Variants in SH3BP1 observed in about 807,000 individuals in gnomAD.
SH3BP1 encodes the protein SH3 domain binding protein 1.
SH3BP1 carries 46 observed loss-of-function variants against 69.8 expected under a neutral mutation model. The observed-to-expected ratio is 0.66, with a 90% CI of 0.52 to 0.84. SH3BP1 has a LOEUF of 0.84. Ranked by LOEUF, SH3BP1 falls within the 40% of genes least tolerant of loss-of-function variation. SH3BP1 has a pLI of 0.00. For missense variants in SH3BP1, 868 were observed against 930.9 expected (o/e 0.93, Z 0.88); for synonymous variants, 403 against 378.0 (o/e 1.07, Z -0.77).
In SH3BP1 at chr22:37,639,725, A is replaced by G; in HGVS notation, c.-63A>G. Reference sequence around the variant, plus strand: ...CCGCGCCGCAGGAGAGGCAGGCTGGACCGGGGGCTCCCCGGGCCCGCGACC... The same window carrying G: ...CCGCGCCGCAGGAGAGGCAGGCTGGGCCGGGGGCTCCCCGGGCCCGCGACC... On this transcript the variant is annotated 5_prime_UTR_variant, in exon 1 of 18. Coordinates refer to ENST00000649765, the MANE Select transcript of SH3BP1 (RefSeq NM_018957.6). 1.8e-6 allele frequency: 2 copies of G among 1,088,454 alleles called. No individual in the cohort carries two copies. Among genetic ancestry groups the G allele is most frequent in the Non-Finnish European group, 2.6e-6 (2 of 779,248 alleles). The allele number at this position is 1,088,454 out of a possible 1,614,324, so 67.4% of individuals were successfully genotyped here. A position where few individuals can be genotyped will look rare whatever the true frequency, so the allele number is the denominator to read the frequency against.
intron 13 of SH3BP1, 146 bp downstream of exon 13, chr22:37,647,667 T>C: frequency 2.2e-6 from 1 of 456,514 alleles, no homozygotes; most frequent in Non-Finnish European, 3.6e-6. Flanking sequence ...ATTAGTCATT[T>C]ATATATATAA....
intron 15 of SH3BP1, 115 bp downstream of exon 15, chr22:37,650,364 C>T (rs1932855010): frequency 1.3e-6 from 2 of 1,495,272 alleles, no homozygotes; most frequent in African/African-American, 1.4e-5. Flanking sequence ...GCCTCAGTTT[C>T]TCATTTTTAC....
intron 6 of SH3BP1, 131 bp from the exon 7 acceptor site, chr22:37,643,513 C>A: frequency 1.5e-6 from 2 of 1,333,152 alleles, no homozygotes; most frequent in Non-Finnish European, 1.0e-6. Context: ...GGGCAGAGGC[C>A]CCGGCCAGTG....
Position 37,655,290 on chromosome 22 carries a change from C to G in SH3BP1, c.1712C>G (p.Ala571Gly). The G allele has an allele frequency of 6.3e-7, 1 of 1,577,110 alleles. No homozygotes were observed. The highest frequency in any genetic ancestry group is 8.6e-7 in the Non-Finnish European group (1 of 1,164,054). ...MARRTKRPAPARPTMPPPQVS... is the reference protein window; with the variant it reads ...MARRTKRPAPGRPTMPPPQVS... ...TCAACAGCCAAGCGCCCGGCGCCAG[C>G]CCGGCCCACCATGCCGCCCCCCCAG... The change falls in exon 18 of 18, where the codon GCC becomes GGC. Residue 571 changes from alanine to glycine, a missense_variant. Transcript: ENST00000649765.
chr22:37,655,484 C>T lies in SH3BP1; in HGVS notation c.1906C>T (p.Arg636Trp), dbSNP rs760915773. The change falls in exon 18 of 18, where the codon CGG (arginine) becomes TGG (tryptophan). Residue 636 changes from arginine (R) to tryptophan (W), a missense_variant. By Grantham distance (101) the Arg-to-Trp change is moderately radical. Around this residue, in one of 3 missense-constraint regions of SH3BP1, gnomAD observed 474 missense variants for 462.3 expected, o/e 1.03. Coordinates refer to ENST00000649765, the MANE Select transcript of SH3BP1 (RefSeq NM_018957.6). Reference protein sequence around the residue: ...TPPQPARRQSRRSPASPSPAS... With the variant: ...TPPQPARRQSWRSPASPSPAS... ...CCCTCAGCCTGCCCGGCGCCAAAGC[C>T]GGCGTTCACCAGCCTCCCCCAGCCC... 10 of 1,520,230 alleles carry T rather than the reference C, an allele frequency of 6.6e-6. No homozygotes were observed. The highest frequency in any genetic ancestry group is 6.2e-5 in the South Asian group (5 of 80,392). The allele number at this position is 1,520,230 out of a possible 1,614,324, so 94.2% of individuals were successfully genotyped here. A position where few individuals can be genotyped will look rare whatever the true frequency, so the allele number is the denominator to read the frequency against.
At position 37,647,478 on chromosome 22, in the gene SH3BP1, G is replaced by A; in HGVS notation, c.1156G>A (p.Glu386Lys). Residue 386 changes from glutamate to lysine, a missense_variant, in exon 13 of 18, where the codon GAG becomes AAG. Physicochemically the swap from Glu to Lys is moderately conservative, Grantham distance 56. Around this residue, in one of 3 missense-constraint regions of SH3BP1, gnomAD observed 474 missense variants for 462.3 expected, o/e 1.03. Transcript: ENST00000649765. ...EPGARLQALQ[E>K]VCSRLPPENL... Reference sequence around the variant, plus strand: ...AGGGGCCCGGCTGCAGGCCCTCCAAGAGGTGTGCAGCCGCCTACCCCCCGA... The same window carrying A: ...AGGGGCCCGGCTGCAGGCCCTCCAAAAGGTGTGCAGCCGCCTACCCCCCGA... 1 of 1,609,328 alleles carries A rather than the reference G, an allele frequency of 6.2e-7. No individual in the cohort carries two copies. The highest frequency in any genetic ancestry group is 8.5e-7 in the Non-Finnish European group (1 of 1,179,682).
At chr22:37,652,500 T>TC (rs1932900460) in intron 16 of SH3BP1, among the ~76,000 whole-genome samples, 1 of 151,710 alleles carries the variant, frequency 6.6e-6, no homozygotes, top group South Asian at 2.1e-4. Context: ...GCCATTGCAC[T>TC]CAGCCTGGGC....
intron 11 of SH3BP1, 55 bp downstream of exon 11, chr22:37,646,984 C>A: frequency 8.5e-7 from 1 of 1,180,750 alleles, no homozygotes; most frequent in Non-Finnish European, 1.2e-6. Context: ...GGTGCAGTGG[C>A]TTGAAACGAT....
intron 2 of SH3BP1, 44 bp from the exon 3 acceptor site, chr22:37,641,330 G>T: frequency 6.5e-7 from 1 of 1,542,880 alleles, no homozygotes; most frequent in Non-Finnish European, 8.8e-7. Flanking sequence ...TGCTCAGGGG[G>T]AGACAGCCTC....
chr22:37,643,287 A>G (rs966260181), intron 6 of SH3BP1, 113 bp downstream of exon 6: 33 of 952,640 alleles, frequency 3.5e-5, no homozygotes, highest in African/African-American at 2.0e-4. Context: ...TGCTGAGTAC[A>G]GTGTGTGTAC....
At chr22:37,648,700 CTTTTTT>C in intron 14 of SH3BP1, 46 of 157,380 alleles carry the variant, frequency 2.9e-4, no homozygotes, top group East Asian at 1.0e-3. Context: ...AGATCGGGTT[CTTTTTT>C]TTTTTTTTTT....
At position 37,655,521 on chromosome 22, in the gene SH3BP1, G is replaced by A; in HGVS notation, c.1943G>A (p.Gly648Asp). 2 of 1,581,190 alleles carry A rather than the reference G, an allele frequency of 1.3e-6. No homozygotes were observed. The highest frequency in any genetic ancestry group is 1.7e-6 in the Non-Finnish European group (2 of 1,166,086). ...SPASPSPASP[G>D]PASPSPVSLS... ...GCCTCCCCCAGCCCGGCCTCCCCAG[G>A]TCCAGCCTCCCCCAGCCCAGTCTCT... The change falls in exon 18 of 18, where the codon GGT (glycine) becomes GAT (aspartate). Residue 648 changes from glycine (G) to aspartate (D), a missense_variant. Transcript: ENST00000649765.
chr22:37,642,728 C>CA (rs1159925083), intron 4 of SH3BP1, 113 bp downstream of exon 4: 1 of 1,605,272 alleles, frequency 6.2e-7, no homozygotes, highest in Non-Finnish European at 8.5e-7. Flanking sequence ...AGGCTGGGGA[C>CA]AGTTCCCAGG....
chr22:37,654,880 C>T (rs1932973236), intron 17 of SH3BP1, among the ~76,000 whole-genome samples: 1 of 152,172 alleles, frequency 6.6e-6, no homozygotes, highest in South Asian at 2.1e-4. Flanking sequence ...GAGACCGAGG[C>T]AGGAGGCTAG....
rs181842529 is a variant in SH3BP1, at chr22:37,641,279, C to T, written c.103-95C>T. On this transcript the variant is annotated intron_variant, in intron 2 of 17. Coordinates refer to ENST00000649765, the MANE Select transcript of SH3BP1 (RefSeq NM_018957.6). The stretch of plus-strand genomic sequence containing the variant: ...GGCCTGGGTTGAGTCATTCCTCAAG[C>T]TGTTGGCCATGGGGTCCCCAGGGGA... 1.8e-4 allele frequency: 270 copies of T among 1,507,406 alleles called. 1 individual carries two copies. The East Asian group carries it at 6.3e-3, about 35-fold the overall frequency. 93.4% of individuals were successfully genotyped at this position (1,507,406 alleles called of 1,614,324 possible).
Position 37,642,342 on chromosome 22 carries a change from C to T in SH3BP1, c.208-197C>T, listed in dbSNP as rs562289050. 2.9e-5 allele frequency: 17 copies of T among 585,152 alleles called. No individual in the cohort carries two copies. In the East Asian group the frequency reaches 3.2e-4, roughly 11 times the overall value. 36.2% of individuals were successfully genotyped at this position (585,152 alleles called of 1,614,324 possible). On this transcript the variant is annotated intron_variant, in intron 3 of 17. Coordinates refer to ENST00000649765, the MANE Select transcript of SH3BP1 (RefSeq NM_018957.6). The stretch of plus-strand genomic sequence containing the variant: ...TGGCTTCTGGGAAGAGGAAAGGGCA[C>T]GCCAGATGGAGAGGGGCTCCATCCA...
intron 17 of SH3BP1, 96 bp downstream of exon 17, chr22:37,653,969 G>A (rs1272865641): frequency 1.1e-6 from 1 of 875,740 alleles, no homozygotes; most frequent in African/African-American, 1.7e-5. Context: ...GCAGCCAGGG[G>A]AGGCCAGGAG....
At chr22:37,647,686 T>C (rs1288517153) in intron 13 of SH3BP1, among the ~76,000 whole-genome samples, 165 bp downstream of exon 13, 2 of 151,866 alleles carry the variant, frequency 1.3e-5, no homozygotes, top group Admixed American at 6.5e-5. Context: ...AATTTTTTTT[T>C]TTTTTCTGAG....
At chr22:37,642,211 C>T (rs1932622194) in intron 3 of SH3BP1, 1 of 362,466 alleles carries the variant, frequency 2.8e-6, no homozygotes, top group Admixed American at 3.8e-5. Context: ...GCTCCCGCTC[C>T]CATTCTCCCT....
Sources: allele counts gnomAD v4.1 joint callset (sites outside exome capture counted in the v4.1 genomes callset), GRCh38; gene constraint gnomAD v4.1.1; regional missense constraint gnomAD v4.1.1; transcripts MANE v1.5; gene names NCBI Gene and HGNC (gene_info 2026-07-23, HGNC 2026-07-21).